Variants in MID2 observed in about 807,000 individuals in gnomAD.
The protein encoded by MID2 is probable E3 ubiquitin-protein ligase MID2.
MID2 carries 13 observed loss-of-function variants against 46.1 expected under a neutral mutation model. The ratio of observed to expected loss-of-function variants is 0.28; its 90% CI spans 0.18 to 0.45. MID2 has a LOEUF of 0.45. Ranked by LOEUF, MID2 falls within the 20% of genes least tolerant of loss-of-function variation. MID2 has a pLI of 1.00. For missense variants in MID2, 431 were observed against 575.4 expected (o/e 0.75, Z 2.57); for synonymous variants, 199 against 212.3 (o/e 0.94, Z 0.55).
chrX:107,930,950 G>A lies in MID2; in HGVS notation c.*3877G>A, dbSNP rs1374293201. Among the ~76,000 whole-genome samples the A allele has an allele frequency of 8.9e-6, 1 of 112,406 alleles. No individual in the cohort carries two copies. The highest frequency in any genetic ancestry group is 1.9e-5 in the Non-Finnish European group (1 of 53,241). On this transcript the variant is annotated 3_prime_UTR_variant, in exon 10 of 10. Coordinates refer to ENST00000262843, the MANE Select transcript of MID2 (RefSeq NM_012216.4). Reference sequence around the variant, plus strand: ...AAAGTAAAACCTGTTTTGAGAGTATGAAAGAAATTTTAATGCCACATTGAG... The same window carrying A: ...AAAGTAAAACCTGTTTTGAGAGTATAAAAGAAATTTTAATGCCACATTGAG...
rs1278014513 is a variant in MID2 at position 107,928,232 on chromosome X, T to C, written c.*1159T>C. ...TTCAGATAAAACACTTCTGAAGTGC[T>C]CAAGAATGTCTGAAAACAGTTTGTT... On this transcript the variant is annotated 3_prime_UTR_variant, in exon 10 of 10. Coordinates refer to ENST00000262843, the MANE Select transcript of MID2 (RefSeq NM_012216.4). Among the ~76,000 whole-genome samples, 2 of 111,669 alleles carry C rather than the reference T, an allele frequency of 1.8e-5. No homozygotes were observed. Among genetic ancestry groups the C allele is most frequent in the African/African-American group, 6.5e-5 (2 of 30,785 alleles).
chrX:107,848,646 T>A (rs1369467778), intron 2 of MID2, among the ~76,000 whole-genome samples: 1 of 111,438 alleles, frequency 9.0e-6, no homozygotes, highest in Non-Finnish European at 1.9e-5. Flanking sequence ...CACCTTCATC[T>A]CATTCTGGGA....
In MID2 at chrX:107,929,092, A is replaced by G. The variant is rs762660851; in HGVS notation, c.*2019A>G. Among the ~76,000 whole-genome samples, 21 of 111,578 alleles carry G rather than the reference A, an allele frequency of 1.9e-4. No homozygotes were observed. Among genetic ancestry groups the G allele is most frequent in the African/African-American group, 6.5e-4 (20 of 30,770 alleles). ...ATGTCTACTTCACAAGGCTGTTTCA[A>G]AGGTTAAAAAAGATAGCATATGTAA... is the stretch of plus-strand genomic sequence containing the variant. On this transcript the variant is annotated 3_prime_UTR_variant, in exon 10 of 10. Transcript: ENST00000262843.
At chrX:107,893,495 T>A (rs749149835) in intron 3 of MID2, among the ~76,000 whole-genome samples, 2 of 112,786 alleles carry the variant, frequency 1.8e-5, no homozygotes, top group Non-Finnish European at 3.7e-5. Flanking sequence ...TGTTAACTTT[T>A]TAGTTGATTC....
chrX:107,836,872 G>A (rs1225343378), intron 1 of MID2, among the ~76,000 whole-genome samples: 1 of 111,766 alleles, frequency 8.9e-6, no homozygotes, highest in Non-Finnish European at 1.9e-5. Context: ...ATAAGCAAGA[G>A]GCAGTAACTA....
intron 1 of MID2, among the ~76,000 whole-genome samples, chrX:107,829,626 TG>T (rs1188897842): frequency 1.8e-5 from 2 of 112,241 alleles, no homozygotes; most frequent in Non-Finnish European, 3.8e-5. Flanking sequence ...CTCTGCTGAT[TG>T]GGCTGAGGCC....
intron 3 of MID2, among the ~76,000 whole-genome samples, chrX:107,866,544 T>C (rs985032725): frequency 5.5e-5 from 6 of 108,861 alleles, no homozygotes; most frequent in African/African-American, 2.0e-4. Context: ...AGCTCAGAAG[T>C]TGAAAGCAAA....
At chrX:107,839,415 A>G (rs1931282382) in intron 1 of MID2, among the ~76,000 whole-genome samples, 1 of 101,352 alleles carries the variant, frequency 9.9e-6, no homozygotes, top group South Asian at 4.4e-4. Context: ...TCTGTCACCC[A>G]GGCAAGAGTG....
intron 4 of MID2, among the ~76,000 whole-genome samples, chrX:107,904,932 A>G (rs1245159146): frequency 8.9e-6 from 1 of 111,804 alleles, no homozygotes; most frequent in Non-Finnish European, 1.9e-5. Flanking sequence ...GTTATAGCTT[A>G]TCCAGGAAAC....
chrX:107,905,390 A>G, intron 4 of MID2, 88 bp from the exon 5 acceptor site: 1 of 754,938 alleles, frequency 1.3e-6, no homozygotes, highest in Non-Finnish European at 2.0e-6. Flanking sequence ...GAATCACTGC[A>G]GCATGCCTCC....
chrX:107,896,598 A>T (rs1282172327), intron 3 of MID2, among the ~76,000 whole-genome samples: 1 of 112,466 alleles, frequency 8.9e-6, no homozygotes, highest in Non-Finnish European at 1.9e-5. Context: ...AAGTACATAC[A>T]AAATATATGT....
At chrX:107,903,834 G>A in intron 3 of MID2, 124 bp from the exon 4 acceptor site, 2 of 493,368 alleles carry the variant, frequency 4.1e-6, no homozygotes, top group South Asian at 3.1e-5. Flanking sequence ...CTTCTTCTAG[G>A]AGTGGATCTT....
intron 3 of MID2, among the ~76,000 whole-genome samples, chrX:107,869,745 T>A (rs994763512): frequency 1.4e-4 from 16 of 111,326 alleles, no homozygotes; most frequent in Non-Finnish European, 2.1e-4. Flanking sequence ...CTTTTCTATT[T>A]CCATTTTTAA....
intron 1 of MID2, among the ~76,000 whole-genome samples, chrX:107,836,568 A>T (rs374460078): frequency 7.1e-4 from 77 of 108,883 alleles, no homozygotes; most frequent in African/African-American, 2.3e-3. Context: ...TTTTTTTTTT[A>T]AATAATGATA....
Position 107,928,379 on chromosome X carries a change from G to A in MID2, c.*1306G>A, listed in dbSNP as rs1434918106. ...CCCAGTCCTAACCAGTATAGTTGAAGGGAATGGAGCCTTGTAGTCTATGAT... is the reference window on the plus strand; with the variant it reads ...CCCAGTCCTAACCAGTATAGTTGAAAGGAATGGAGCCTTGTAGTCTATGAT... On this transcript the variant is annotated 3_prime_UTR_variant, in exon 10 of 10. Transcript: ENST00000262843. 9.0e-6 allele frequency among the ~76,000 whole-genome samples: 1 copy of A among 111,520 alleles called. No individual in the cohort carries two copies. Among genetic ancestry groups the A allele is most frequent in the African/African-American group, 3.3e-5 (1 of 30,699 alleles).
chrX:107,899,777 A>G (rs1444492439), intron 3 of MID2, among the ~76,000 whole-genome samples: 1 of 111,801 alleles, frequency 8.9e-6, no homozygotes. Flanking sequence ...TTTAGACAAA[A>G]CCACTAACCT....
At chrX:107,893,712 G>C (rs1032985718) in intron 3 of MID2, among the ~76,000 whole-genome samples, 3 of 112,138 alleles carry the variant, frequency 2.7e-5, no homozygotes, top group Non-Finnish European at 3.8e-5. Context: ...ACTTGAGTCT[G>C]TCTGGCTCTG....
At chrX:107,888,817 A>G (rs867359082) in intron 3 of MID2, among the ~76,000 whole-genome samples, 107 of 111,736 alleles carry the variant, frequency 9.6e-4, no homozygotes, top group Non-Finnish European at 1.8e-3. Flanking sequence ...TTGGGTGCAT[A>G]TATGTTTAGG....
chrX:107,926,869 T>C lies in MID2; in HGVS notation c.2004T>C (p.Tyr668=), dbSNP rs1425226368. 8.3e-6 allele frequency: 10 copies of C among 1,209,321 alleles called. No homozygotes were observed. The highest frequency in any genetic ancestry group is 1.1e-5 in the Non-Finnish European group (10 of 894,398). Residue 668 remains tyrosine, a synonymous_variant, in exon 10 of 10, where the codon TAT becomes TAC. Coordinates refer to ENST00000262843, the MANE Select transcript of MID2 (RefSeq NM_012216.4). Reference sequence around the variant, plus strand: ...ATGACAACAATATGCTGTCTTTCTATGACCCAGCTAACTCTCTCCATCTTC... The same window carrying C: ...ATGACAACAATATGCTGTCTTTCTACGACCCAGCTAACTCTCTCCATCTTC... ...LDYDNNMLSF[Y]DPANSLHLHT... is the part of the protein sequence containing the mutation.
Sources: gnomAD v4.1 joint callset for allele counts (sites outside exome capture counted in the v4.1 genomes callset) on GRCh38, gnomAD v4.1.1 for gene constraint, MANE v1.5 for transcripts, NCBI Gene and HGNC (gene_info 2026-07-23, HGNC 2026-07-21) for gene names.